The following IQSEC2 variants were observed in gnomAD, a reference collection of about 807,000 sequenced individuals.
IQSEC2 encodes the protein IQ motif and SEC7 domain-containing protein 2.
IQSEC2 carries 6 observed loss-of-function variants against 74.6 expected under a neutral mutation model. The observed-to-expected ratio is 0.08, with a 90% CI of 0.04 to 0.16. The LOEUF is 0.16. Ranked by LOEUF, IQSEC2 falls within the 10% of genes least tolerant of loss-of-function variation. The pLI is 1.00. For synonymous variants in IQSEC2, 494 were observed against 544.5 expected (o/e 0.91, Z 1.29); for missense variants, 734 against 1,306.2 (o/e 0.56, Z 6.75).
intron 1 of IQSEC2, among the ~76,000 whole-genome samples, chrX:53,315,431 G>C (rs1556878865): frequency 9.0e-6 from 1 of 111,510 alleles, no homozygotes; most frequent in African/African-American, 3.3e-5. Flanking sequence ...CAGGGGCTCT[G>C]TGCAAATGAG....
intron 6 of IQSEC2, 21 bp downstream of exon 6, chrX:53,248,700 G>T (rs368945951): frequency 2.2e-5 from 27 of 1,205,409 alleles, no homozygotes; most frequent in Non-Finnish European, 2.9e-5. Context: ...GGCCCAGCCT[G>T]CCCCATCCTG....
At chrX:53,299,737 G>A (rs1258536514) in intron 1 of IQSEC2, among the ~76,000 whole-genome samples, 1 of 110,956 alleles carries the variant, frequency 9.0e-6, no homozygotes, top group Non-Finnish European at 1.9e-5. Context: ...TGGGGTTGGG[G>A]AAGGACCAAA....
intron 7 of IQSEC2, among the ~76,000 whole-genome samples, chrX:53,247,850 A>T (rs1201657017): frequency 1.8e-5 from 2 of 112,260 alleles, no homozygotes; most frequent in Non-Finnish European, 3.8e-5. Flanking sequence ...TCAGCTCTGC[A>T]CCTGATACCT....
Position 53,255,819 on chromosome X carries a change from G to A in IQSEC2, c.980C>T (p.Thr327Ile), listed in dbSNP as rs782141701. ...TTGCACCTTCTTGTCCTGCAGGTCT[G>A]TGGAGAGTTCATAGCTGTCCGATAG... ...KALSDSYELS[T>I]DLQDKKVEML... The change falls in exon 3 of 15, where the codon ACA becomes ATA. Residue 327 changes from threonine to isoleucine, a missense_variant. Thr to Ile is a moderately conservative substitution (Grantham distance 89). Around this residue, in one of 12 missense-constraint regions of IQSEC2, gnomAD observed 17 missense variants for 60.3 expected, o/e 0.28. Transcript: ENST00000642864. The A allele has an allele frequency of 1.7e-6, 2 of 1,211,917 alleles. No individual in the cohort carries two copies. Among genetic ancestry groups the A allele is most frequent in the South Asian group, 1.8e-5 (1 of 57,000 alleles).
In IQSEC2 at chrX:53,234,960, G is replaced by A. The variant is rs1556859229; in HGVS notation, c.3726C>T (p.His1242=). ...GGCTATGGCCATGATGGTGGTGGTG[G>A]TGGTGGTGGTGCGTGGAAGAAGCAG... ...SSSASSTHHH[H]HHHHHGHSHG... The change falls in exon 15 of 15, where the codon CAC becomes CAT. Residue 1242 remains histidine, a synonymous_variant. Coordinates refer to ENST00000642864, the MANE Select transcript of IQSEC2 (RefSeq NM_001111125.3). The A allele has an allele frequency of 8.6e-7, 1 of 1,167,786 alleles. No homozygotes were observed. Among genetic ancestry groups the A allele is most frequent in the Non-Finnish European group, 1.1e-6 (1 of 873,035 alleles).
intron 1 of IQSEC2, among the ~76,000 whole-genome samples, chrX:53,295,772 C>T (rs782123330): frequency 9.0e-6 from 1 of 110,665 alleles, no homozygotes; most frequent in South Asian, 3.9e-4. Flanking sequence ...CTGCCCTTGC[C>T]TCTTGACTAG....
intron 7 of IQSEC2, among the ~76,000 whole-genome samples, chrX:53,247,827 T>C (rs782029647): frequency 3.6e-5 from 4 of 112,244 alleles, no homozygotes; most frequent in Non-Finnish European, 7.5e-5. Context: ...GGTGAAATAA[T>C]CATGTAAAGT....
chrX:53,283,129 T>A (rs1206641440), intron 2 of IQSEC2, among the ~76,000 whole-genome samples: 2 of 112,306 alleles, frequency 1.8e-5, no homozygotes, highest in African/African-American at 6.5e-5. Flanking sequence ...GGTGGGAGGA[T>A]CGCTTAAGCC....
At chrX:53,231,989 T>A (rs782003140), downstream of IQSEC2, 1 of 112,220 alleles carries the variant, frequency 8.9e-6, no homozygotes, top group East Asian at 2.8e-4. Flanking sequence ...GCAAAAACAG[T>A]AACTGAATGC....
At chrX:53,273,908 A>G (rs1388206938) in intron 2 of IQSEC2, among the ~76,000 whole-genome samples, 2 of 112,670 alleles carry the variant, frequency 1.8e-5, no homozygotes, top group East Asian at 2.8e-4. Context: ...ACATCTCTGC[A>G]TATGTCTCCA....
At chrX:53,306,267 C>T (rs1023426908) in intron 1 of IQSEC2, among the ~76,000 whole-genome samples, 1 of 112,138 alleles carries the variant, frequency 8.9e-6, no homozygotes, top group South Asian at 3.7e-4. Context: ...CCGGCAAAGC[C>T]CAGCTTACAG....
chrX:53,249,068 A>G (rs1250873664), intron 5 of IQSEC2, among the ~76,000 whole-genome samples, 186 bp from the exon 6 acceptor site: 3 of 112,055 alleles, frequency 2.7e-5, no homozygotes, highest in Non-Finnish European at 3.8e-5. Context: ...AGAAGAAGCC[A>G]CTTGCCCATT....
Position 53,321,083 on chromosome X carries a change from T to A in IQSEC2, c.41A>T (p.Glu14Val), listed in dbSNP as rs2075427964. 1 of 1,151,293 alleles carries A rather than the reference T, an allele frequency of 8.7e-7. No homozygotes were observed. Among genetic ancestry groups the A allele is most frequent in the Non-Finnish European group, 1.1e-6 (1 of 870,136 alleles). 94.9% of individuals were successfully genotyped at this position (1,151,293 alleles called of 1,213,427 possible). Reference protein sequence around the residue: ...GSGPPGGPGSESPNRAVEYLL... With the variant: ...GSGPPGGPGSVSPNRAVEYLL... ...GTACTCCACGGCCCGATTTGGGCTC[T>A]CGGATCCCGGGCCGCCCGGGGGCCC... Residue 14 changes from glutamate (E) to valine (V), a missense_variant, in exon 1 of 15, where the codon GAG becomes GTG. Physicochemically the swap from Glu to Val is moderately radical, Grantham distance 121. Around this residue, in one of 12 missense-constraint regions of IQSEC2, gnomAD observed 134 missense variants for 214.9 expected, o/e 0.62. Coordinates refer to ENST00000642864, the MANE Select transcript of IQSEC2 (RefSeq NM_001111125.3).
chrX:53,272,423 A>G (rs1164841311), intron 2 of IQSEC2, among the ~76,000 whole-genome samples: 1 of 112,254 alleles, frequency 8.9e-6, no homozygotes, highest in Non-Finnish European at 1.9e-5. Context: ...CAGCTCATTC[A>G]GTAAATGAAC....
intron 11 of IQSEC2, 100 bp downstream of exon 11, chrX:53,239,095 G>T: frequency 1.5e-6 from 1 of 657,733 alleles, no homozygotes; most frequent in Non-Finnish European, 2.5e-6. Flanking sequence ...CCTTAGTCCG[G>T]TTGTAAGGGA....
At chrX:53,287,506 G>A (rs1327995359) in intron 2 of IQSEC2, among the ~76,000 whole-genome samples, 1 of 112,834 alleles carries the variant, frequency 8.9e-6, no homozygotes. Context: ...GCAGGGCCAC[G>A]CGCCAGCATG....
chrX:53,255,015 T>G lies in IQSEC2; in HGVS notation c.1000-84A>C, dbSNP rs1335605358. 7.4e-6 allele frequency: 7 copies of G among 944,124 alleles called. No individual in the cohort carries two copies. The African/African-American group carries it at 1.4e-4, about 18-fold the overall frequency. 77.8% of individuals were successfully genotyped at this position (944,124 alleles called of 1,213,427 possible). ...AGGCACTCAACCACACCACCCCCAC[T>G]GGAATCATGGCTGACTGCTTACAGC... On this transcript the variant is annotated intron_variant, in intron 3 of 14. Coordinates refer to ENST00000642864, the MANE Select transcript of IQSEC2 (RefSeq NM_001111125.3).
chrX:53,241,752 C>T, intron 10 of IQSEC2, 32 bp downstream of exon 10: 1 of 1,209,613 alleles, frequency 8.3e-7, no homozygotes, highest in Non-Finnish European at 1.1e-6. Context: ...CTCACTCTCT[C>T]CCTCCCATCT....
chrX:53,250,212 T>C, intron 5 of IQSEC2, 67 bp downstream of exon 5: 1 of 1,110,580 alleles, frequency 9.0e-7, no homozygotes, highest in South Asian at 1.8e-5. Context: ...TGGAGTTCTG[T>C]CCCAGGAACC....
Sources: gnomAD v4.1 joint callset for allele counts (sites outside exome capture counted in the v4.1 genomes callset) on GRCh38, gnomAD v4.1.1 for gene constraint, gnomAD v4.1.1 regional missense constraint, MANE v1.5 for transcripts, NCBI Gene and HGNC (gene_info 2026-07-23, HGNC 2026-07-21) for gene names.